The following PCDHGA9 variants were observed in gnomAD, a reference collection of about 807,000 sequenced individuals.
PCDHGA9 encodes protocadherin gamma subfamily A, 9.
PCDHGA9 carries 37 observed loss-of-function variants against 62.5 expected under a neutral mutation model. That is an observed-to-expected ratio of 0.59 (90% CI 0.46 to 0.78). PCDHGA9 has a LOEUF of 0.78. Among genes scored for constraint, PCDHGA9 ranks in the 30% least tolerant of loss-of-function variants. The pLI is 0.00. For missense variants in PCDHGA9, 1,138 were observed against 1,166.2 expected (o/e 0.98, Z 0.35); for synonymous variants, 459 against 484.6 (o/e 0.95, Z 0.69).
chr5:141,503,506 G>A (rs2099820313), intron 2 of PCDHGA9, among the ~76,000 whole-genome samples: 1 of 151,616 alleles, frequency 6.6e-6, no homozygotes, highest in African/African-American at 2.4e-5. Context: ...GGCTGAGGCA[G>A]GAGAATCACT....
At chr5:141,483,207 A>G (rs1225621725) in intron 1 of PCDHGA9, among the ~76,000 whole-genome samples, 1 of 152,224 alleles carries the variant, frequency 6.6e-6, no homozygotes, top group African/African-American at 2.4e-5. Context: ...TATTCCATAT[A>G]GATGACAGTC....
intron 1 of PCDHGA9, chr5:141,427,871 GA>G: frequency 6.4e-7 from 1 of 1,559,532 alleles, no homozygotes; most frequent in Non-Finnish European, 8.8e-7. Context: ...TCGAGCTCAC[GA>G]TGCAGGCCCA....
At chr5:141,414,829 T>C (rs746789783) in intron 1 of PCDHGA9, 18 of 1,614,078 alleles carry the variant, frequency 1.1e-5, no homozygotes, top group Non-Finnish European at 1.5e-5. Context: ...CAACGTGTCG[T>C]TGAGCCTGTT....
At chr5:141,409,979 G>T in intron 1 of PCDHGA9, 1 of 1,613,348 alleles carries the variant, frequency 6.2e-7, no homozygotes, top group Non-Finnish European at 8.5e-7. Flanking sequence ...TAAGGTGGTA[G>T]CGGTGGACGC....
chr5:141,431,673 G>A lies in PCDHGA9; in HGVS notation c.2424+26297G>A. On this transcript the variant is annotated intron_variant, in intron 1 of 3. Coordinates refer to ENST00000573521, the MANE Select transcript of PCDHGA9 (RefSeq NM_018921.3). The surrounding 1 kb of genome is among the most constrained non-coding windows in gnomAD (Gnocchi z 4.8). ...AATTCAGGGACAATATCAACAATAG[G>A]GGAGTTGGACCACGAGGAGTCAGGA... 1 of 1,614,214 alleles carries A rather than the reference G, an allele frequency of 6.2e-7. No homozygotes were observed. The highest frequency in any genetic ancestry group is 8.5e-7 in the Non-Finnish European group (1 of 1,180,044).
chr5:141,434,178 G>C (rs960680568), intron 1 of PCDHGA9, among the ~76,000 whole-genome samples: 1 of 152,178 alleles, frequency 6.6e-6, no homozygotes, highest in African/African-American at 2.4e-5. Flanking sequence ...TTATATCCAA[G>C]ATTTGTAATT....
At chr5:141,509,570 G>A (rs2099877371) in intron 3 of PCDHGA9, among the ~76,000 whole-genome samples, 1 of 152,232 alleles carries the variant, frequency 6.6e-6, no homozygotes, top group South Asian at 2.1e-4. Flanking sequence ...AGCCTTCACA[G>A]TGCGTACAAA....
chr5:141,499,572 T>C (rs2099792782), intron 2 of PCDHGA9, among the ~76,000 whole-genome samples: 1 of 152,178 alleles, frequency 6.6e-6, no homozygotes, highest in Admixed American at 6.5e-5. Flanking sequence ...CAGCTTCAAC[T>C]AATGCCTTAT....
rs191188858 is a variant in PCDHGA9, at chr5:141,472,077, A to G, written c.2425-22730A>G. On this transcript the variant is annotated intron_variant, in intron 1 of 3. Transcript: ENST00000573521. ...GATTGACATGTCTGTGGTTATATCA[A>G]TGAGTACTATTATTATTCCCATTTT... 2.4e-3 allele frequency among the ~76,000 whole-genome samples: 365 copies of G among 152,346 alleles called. 2 individuals carry two copies. Among genetic ancestry groups the G allele is most frequent in the African/African-American group, 8.4e-3 (351 of 41,580 alleles).
In PCDHGA9 at chr5:141,477,868, C is replaced by T. The variant is rs1450078298; in HGVS notation, c.2425-16939C>T. 2 of 1,613,750 alleles carry T rather than the reference C, an allele frequency of 1.2e-6. No individual in the cohort carries two copies. Among genetic ancestry groups the T allele is most frequent in the Admixed American group, 3.3e-5 (2 of 59,988 alleles). On this transcript the variant is annotated intron_variant, in intron 1 of 3. Coordinates refer to ENST00000573521, the MANE Select transcript of PCDHGA9 (RefSeq NM_018921.3). This position sits in a 1 kb window ranked among gnomAD's most constrained non-coding sequence, Gnocchi z 4.9. ...CGGTGGAGATGCTGCCTCGAGGTAC[C>T]TCAGCTGGCCACCTAGTGTCACGGG...
chr5:141,407,497 G>GTTTTTTTTTTTTTTTTT (rs1554102286), intron 1 of PCDHGA9, among the ~76,000 whole-genome samples: 2 of 151,970 alleles, frequency 1.3e-5, no homozygotes, highest in African/African-American at 4.8e-5. Context: ...CTTTATTTCT[G>GTTTTTTTTTTTTTTTTT]TTTTTCTTAG....
chr5:141,479,342 G>A (rs926832955), intron 1 of PCDHGA9: 1 of 152,486 alleles, frequency 6.6e-6, no homozygotes, highest in Admixed American at 6.5e-5. Flanking sequence ...TGCACCTGTA[G>A]TTCTTGCTGC....
intron 1 of PCDHGA9, among the ~76,000 whole-genome samples, chr5:141,483,630 G>A (rs2099583876): frequency 6.7e-6 from 1 of 149,714 alleles, no homozygotes; most frequent in African/African-American, 2.5e-5. Flanking sequence ...ATGGGAGAAG[G>A]TATAGAGGGG....
In PCDHGA9 at chr5:141,432,635, G is replaced by T. The variant is rs754354737; in HGVS notation, c.2424+27259G>T. 8.7e-6 allele frequency: 14 copies of T among 1,613,004 alleles called. No individual in the cohort carries two copies. The South Asian group carries it at 1.4e-4, about 16-fold the overall frequency. On this transcript the variant is annotated intron_variant, in intron 1 of 3. Transcript: ENST00000573521. This position sits in a 1 kb window ranked among gnomAD's most constrained non-coding sequence, Gnocchi z 6.0. ...CTCGGTGGGTCTGCACACGGGCGAGGTGCGCACGGCGCGAGCCCTGCTGGA... is the reference window on the plus strand; with the variant it reads ...CTCGGTGGGTCTGCACACGGGCGAGTTGCGCACGGCGCGAGCCCTGCTGGA...
chr5:141,403,105 C>T lies in PCDHGA9; in HGVS notation c.153C>T (p.Asp51=). 1 of 1,614,056 alleles carries T rather than the reference C, an allele frequency of 6.2e-7. No individual in the cohort carries two copies. Reference sequence around the variant, plus strand: ...ATATTGTGGGCAACATCTCCAAGGACCTGGCTCTGGAGCCCCGGGAGCTGG... The same window carrying T: ...ATATTGTGGGCAACATCTCCAAGGATCTGGCTCTGGAGCCCCGGGAGCTGG... The part of the protein sequence containing the change: ...KGYIVGNISK[D]LALEPRELAE... Residue 51 remains aspartate, a synonymous_variant, in exon 1 of 4, where the codon GAC becomes GAT. Coordinates refer to ENST00000573521, the MANE Select transcript of PCDHGA9 (RefSeq NM_018921.3).
chr5:141,437,617 C>G (rs570138576), intron 1 of PCDHGA9, among the ~76,000 whole-genome samples: 1 of 152,220 alleles, frequency 6.6e-6, no homozygotes, highest in South Asian at 2.1e-4. Context: ...CTGCTTTATC[C>G]CCATATAAGA....
At chr5:141,499,689 C>CTTT (rs545067566) in intron 2 of PCDHGA9, among the ~76,000 whole-genome samples, 57 of 119,830 alleles carry the variant, frequency 4.8e-4, no homozygotes, top group Non-Finnish European at 6.2e-4. Context: ...TAACAGATGA[C>CTTT]TTTTTTTTTT....
chr5:141,402,922 C>A lies in PCDHGA9; in HGVS notation c.-31C>A. 1.3e-6 allele frequency: 2 copies of A among 1,576,446 alleles called. No homozygotes were observed. The highest frequency in any genetic ancestry group is 8.6e-7 in the Non-Finnish European group (1 of 1,160,940). On this transcript the variant is annotated 5_prime_UTR_variant, in exon 1 of 4. Transcript: ENST00000573521. The stretch of plus-strand genomic sequence containing the variant: ...CTGATGAAGCAGCGCGCACAGAGAT[C>A]CTTTTGAGAAAATTCCAAAGCGAGG...
chr5:141,428,043 A>G, intron 1 of PCDHGA9: 1 of 1,608,722 alleles, frequency 6.2e-7, no homozygotes, highest in Non-Finnish European at 8.5e-7. Flanking sequence ...CTACCTGGTG[A>G]CCAAGGTGGT....
Sources: allele counts gnomAD v4.1 joint callset (sites outside exome capture counted in the v4.1 genomes callset), GRCh38; gene constraint gnomAD v4.1.1; non-coding constraint Gnocchi (gnomAD v3.1); transcripts MANE v1.5; gene names NCBI Gene and HGNC (gene_info 2026-07-23, HGNC 2026-07-21).